The following ZFPM2 variants were observed in gnomAD, a reference collection of about 807,000 sequenced individuals.
ZFPM2 encodes the protein zinc finger protein, FOG family member 2.
In ZFPM2, 20 loss-of-function variants were observed where a neutral mutation model predicts 98.6. That is an observed-to-expected ratio of 0.20 (90% CI 0.14 to 0.29). ZFPM2 has a LOEUF of 0.29. Among genes scored for constraint, ZFPM2 ranks in the 10% least tolerant of loss-of-function variants. The pLI is 1.00. For missense variants in ZFPM2, 1,310 were observed against 1,388.6 expected, an observed-to-expected ratio of 0.94 and a Z score of 0.90; for synonymous variants, 518 against 502.7, an observed-to-expected ratio of 1.03 and a Z score of -0.41.
chr8:105,769,968 TTCTTA>T (rs766927050), intron 5 of ZFPM2, among the ~76,000 whole-genome samples: 10 of 152,116 alleles, frequency 6.6e-5, no homozygotes, highest in Non-Finnish European at 1.5e-4. Context: ...TGTTGTACTT[TTCTTA>T]TATGTGTTAA....
rs567439079 is a variant in ZFPM2 at position 105,335,010 on chromosome 8, G to C, written c.40+16029G>C. On this transcript the variant is annotated intron_variant, in intron 1 of 7. Coordinates refer to ENST00000407775, the MANE Select transcript of ZFPM2 (RefSeq NM_012082.4). The stretch of plus-strand genomic sequence containing the variant: ...AGGATGCCCCTGAATAAAATAGAAA[G>C]GTTTTAATTCATAAATGCCAGCATA... Among the ~76,000 whole-genome samples, 26 of 151,590 alleles carry C rather than the reference G, an allele frequency of 1.7e-4. No individual in the cohort carries two copies. The East Asian group carries it at 4.7e-3, about 27-fold the overall frequency.
chr8:105,681,091 A>C (rs1810589614), intron 5 of ZFPM2, among the ~76,000 whole-genome samples: 1 of 152,210 alleles, frequency 6.6e-6, no homozygotes, highest in African/African-American at 2.4e-5. Flanking sequence ...TCAAATCATT[A>C]AATAGGTATG....
At chr8:105,366,067 C>A (rs2129785401) in intron 1 of ZFPM2, among the ~76,000 whole-genome samples, 1 of 152,214 alleles carries the variant, frequency 6.6e-6, no homozygotes, top group South Asian at 2.1e-4. Context: ...GGGTTAAAAT[C>A]CAAGCACTAT....
At chr8:105,413,756 A>G (rs183527571) in intron 1 of ZFPM2, among the ~76,000 whole-genome samples, 65 of 151,914 alleles carry the variant, frequency 4.3e-4, no homozygotes, top group African/African-American at 1.5e-3. Flanking sequence ...TATCCCATTG[A>G]CATAGATTCT....
At chr8:105,624,710 C>T (rs990347631) in intron 4 of ZFPM2, among the ~76,000 whole-genome samples, 5 of 152,086 alleles carry the variant, frequency 3.3e-5, no homozygotes, top group African/African-American at 1.2e-4. Context: ...TCTCTTCTAA[C>T]AGGATCATTA....
chr8:105,427,444 A>G (rs576664370), intron 2 of ZFPM2, among the ~76,000 whole-genome samples: 1 of 152,308 alleles, frequency 6.6e-6, no homozygotes, highest in South Asian at 2.1e-4. Flanking sequence ...ACAGATCTCA[A>G]CTGTGCAGTC....
intron 3 of ZFPM2, among the ~76,000 whole-genome samples, chr8:105,453,457 G>T (rs1295432571): frequency 9.9e-5 from 15 of 152,142 alleles, no homozygotes; most frequent in Admixed American, 5.2e-4. Flanking sequence ...AACTTAATTT[G>T]TTTTTATTTT....
intron 5 of ZFPM2, chr8:105,670,055 C>A (rs1817559962): frequency 1.3e-5 from 2 of 152,112 alleles, no homozygotes; most frequent in South Asian, 4.1e-4. Flanking sequence ...AAACTTTATT[C>A]TTTTTTATAT....
At chr8:105,785,813 C>T (rs747553681) in intron 5 of ZFPM2, among the ~76,000 whole-genome samples, 5 of 151,984 alleles carry the variant, frequency 3.3e-5, no homozygotes, top group Admixed American at 2.0e-4. Flanking sequence ...GAGGCCGAGG[C>T]GGGTGGATCA....
At chr8:105,708,681 C>T (rs190656353) in intron 5 of ZFPM2, among the ~76,000 whole-genome samples, 127 of 152,190 alleles carry the variant, frequency 8.3e-4, no homozygotes, top group Admixed American at 2.2e-3. Flanking sequence ...TGGGCTCAAG[C>T]GGTCCACCCG....
At chr8:105,683,574 A>G (rs970981627) in intron 5 of ZFPM2, among the ~76,000 whole-genome samples, 5 of 152,050 alleles carry the variant, frequency 3.3e-5, no homozygotes, top group African/African-American at 9.7e-5. Flanking sequence ...CACCCAGACA[A>G]TCTTCCCTCC....
chr8:105,580,540 C>G (rs1242038058), intron 4 of ZFPM2, among the ~76,000 whole-genome samples: 4 of 151,982 alleles, frequency 2.6e-5, no homozygotes, highest in African/African-American at 9.7e-5. Context: ...AGGTCAATGA[C>G]TACATTATTT....
At chr8:105,420,572 T>C (rs1196476369) in intron 2 of ZFPM2, among the ~76,000 whole-genome samples, 1 of 152,170 alleles carries the variant, frequency 6.6e-6, no homozygotes, top group African/African-American at 2.4e-5. Context: ...AGATTTTTAA[T>C]TGAAAATGAG....
At chr8:105,709,110 G>A (rs190902365) in intron 5 of ZFPM2, among the ~76,000 whole-genome samples, 2 of 152,254 alleles carry the variant, frequency 1.3e-5, no homozygotes, top group East Asian at 3.9e-4. Context: ...GCTCTCTGAT[G>A]TGCCTTTTGA....
intron 1 of ZFPM2, among the ~76,000 whole-genome samples, chr8:105,417,793 A>G (rs1811708221): frequency 6.6e-6 from 1 of 152,198 alleles, no homozygotes; most frequent in African/African-American, 2.4e-5. Context: ...TACCTTGAGC[A>G]TATGGAATGT....
At chr8:105,517,362 A>C (rs1473534949) in intron 3 of ZFPM2, among the ~76,000 whole-genome samples, 1 of 152,196 alleles carries the variant, frequency 6.6e-6, no homozygotes, top group Non-Finnish European at 1.5e-5. Context: ...TGATGATATA[A>C]AAATTCTTTA....
chr8:105,711,067 T>C (rs1811382686), intron 5 of ZFPM2, among the ~76,000 whole-genome samples: 1 of 152,120 alleles, frequency 6.6e-6, no homozygotes, highest in South Asian at 2.1e-4. Context: ...TTTTTAAAAG[T>C]ATTCCTTTAA....
At chr8:105,795,351 T>A (rs1380489302) in intron 6 of ZFPM2, among the ~76,000 whole-genome samples, 1 of 145,440 alleles carries the variant, frequency 6.9e-6, no homozygotes, top group Non-Finnish European at 1.5e-5. Context: ...TTCCTGAATG[T>A]CACACACACA....
At chr8:105,448,056 A>G (rs767139076) in intron 3 of ZFPM2, among the ~76,000 whole-genome samples, 1 of 151,724 alleles carries the variant, frequency 6.6e-6, no homozygotes, top group Non-Finnish European at 1.5e-5. Flanking sequence ...ATTCCTGTTT[A>G]AGTATACTTC....
Sources: gnomAD v4.1 joint callset for allele counts (sites outside exome capture counted in the v4.1 genomes callset) on GRCh38, gnomAD v4.1.1 for gene constraint, MANE v1.5 for transcripts, NCBI Gene and HGNC (gene_info 2026-07-23, HGNC 2026-07-21) for gene names.